PCDHGB3: variants seen among roughly 807,000 people sequenced by gnomAD.
The protein encoded by PCDHGB3 is protocadherin gamma-B3.
Under a neutral mutation model 59.2 loss-of-function variants are expected in PCDHGB3, and 40 were observed. The observed-to-expected ratio is 0.68, with a 90% CI of 0.52 to 0.88. The LOEUF is 0.88. Among genes scored for constraint, PCDHGB3 ranks in the 40% least tolerant of loss-of-function variants. The pLI, the probability that PCDHGB3 is intolerant of heterozygous loss-of-function variation, is 0.00. For synonymous variants in PCDHGB3, 581 were observed against 503.6 expected, an observed-to-expected ratio of 1.15 and a Z score of -2.06; for missense variants, 1,309 against 1,187.9, an observed-to-expected ratio of 1.10 and a Z score of -1.50.
intron 2 of PCDHGB3, among the ~76,000 whole-genome samples, chr5:141,503,072 C>T (rs2099817948): frequency 6.6e-6 from 1 of 151,728 alleles, no homozygotes; most frequent in Non-Finnish European, 1.5e-5. Flanking sequence ...TCAGAATGGT[C>T]TCGATCTCCT....
rs771867567 is a variant in PCDHGB3 at position 141,419,867 on chromosome 5, G to A, written c.2415+47058G>A. 3.1e-6 allele frequency: 5 copies of A among 1,614,086 alleles called. No homozygotes were observed. In the South Asian group the frequency reaches 5.5e-5, roughly 18 times the overall value. On this transcript the variant is annotated intron_variant, in intron 1 of 3. Transcript: ENST00000576222. Reference sequence around the variant, plus strand: ...CCTGGTGTTCGCAGATAGCTTGCAAGAGGTACTGCCGGATTTCAGCGACCA... The same window carrying A: ...CCTGGTGTTCGCAGATAGCTTGCAAAAGGTACTGCCGGATTTCAGCGACCA...
intron 1 of PCDHGB3, chr5:141,418,140 A>C (rs1487263767): frequency 6.2e-7 from 1 of 1,613,986 alleles, no homozygotes; most frequent in African/African-American, 1.3e-5. Context: ...GACCGTGAGC[A>C]AATATGCAAA....
chr5:141,447,235 G>T (rs1458489257), intron 1 of PCDHGB3, among the ~76,000 whole-genome samples: 1 of 152,084 alleles, frequency 6.6e-6, no homozygotes, highest in Non-Finnish European at 1.5e-5. Flanking sequence ...CGCCTCCCGG[G>T]TTCAAGTGAT....
In PCDHGB3 at chr5:141,405,117, C is replaced by T. The variant is rs200108286; in HGVS notation, c.2415+32308C>T. On this transcript the variant is annotated intron_variant, in intron 1 of 3. Transcript: ENST00000576222. The stretch of plus-strand genomic sequence containing the variant: ...CTCAGGCTGAGGCACTGGCACTCCT[C>T]GCATCTGCTGCGGGCTACCAGTGAT... The T allele has an allele frequency of 5.6e-5, 90 of 1,613,980 alleles. No individual in the cohort carries two copies. In the East Asian group the frequency reaches 9.6e-4, roughly 17 times the overall value.
intron 1 of PCDHGB3, chr5:141,428,279 C>A: frequency 2.7e-6 from 2 of 753,232 alleles, no homozygotes; most frequent in South Asian, 3.0e-5. Context: ...CCCTCTGATT[C>A]CCAAGCAAAG....
chr5:141,389,990 C>T (rs2091998485), intron 1 of PCDHGB3: 3 of 1,614,044 alleles, frequency 1.9e-6, no homozygotes, highest in Non-Finnish European at 8.5e-7. Context: ...TGCTCTTCCT[C>T]GTGGCCATGA....
intron 1 of PCDHGB3, chr5:141,400,718 A>G (rs2094066078): frequency 3.0e-6 from 2 of 671,700 alleles, no homozygotes; most frequent in Non-Finnish European, 5.0e-6. Flanking sequence ...AGCCTTATAG[A>G]TTTACAAAGT....
intron 1 of PCDHGB3, chr5:141,374,021 CA>C (rs1013436249): frequency 5.0e-6 from 7 of 1,406,050 alleles, no homozygotes; most frequent in Non-Finnish European, 6.5e-6. Context: ...CTGAGAAGAG[CA>C]AAAGTGATGC....
rs757924501 is a variant in PCDHGB3, at chr5:141,490,548, A to G, written c.2416-4259A>G. 1.2e-6 allele frequency: 2 copies of G among 1,614,084 alleles called. No individual in the cohort carries two copies. Among genetic ancestry groups the G allele is most frequent in the South Asian group, 2.2e-5 (2 of 91,080 alleles). ...ATGCTGGTTCACCTTCCCTACACAA[A>G]CATCTCACCATCAGGCTCAACATTT... On this transcript the variant is annotated intron_variant, in intron 1 of 3. Transcript: ENST00000576222. This position sits in a 1 kb window ranked among gnomAD's most constrained non-coding sequence, Gnocchi z 5.4.
chr5:141,433,001 G>A (rs1361701281), intron 1 of PCDHGB3: 39 of 1,614,156 alleles, frequency 2.4e-5, no homozygotes, highest in Non-Finnish European at 3.1e-5. Context: ...CGGGGTGCAG[G>A]CTTTCCTGCA....
chr5:141,392,746 G>A (rs970809453), intron 1 of PCDHGB3: 4 of 1,443,856 alleles, frequency 2.8e-6, no homozygotes, highest in Non-Finnish European at 3.6e-6. Flanking sequence ...CATAGCTGCG[G>A]CAAGAAACTA....
chr5:141,376,553 G>T, intron 1 of PCDHGB3: 1 of 1,610,804 alleles, frequency 6.2e-7, no homozygotes, highest in Non-Finnish European at 8.5e-7. Flanking sequence ...TGATCTTCCC[G>T]CAACCCAACT....
intron 1 of PCDHGB3, chr5:141,374,044 T>C: frequency 6.8e-7 from 1 of 1,465,536 alleles, no homozygotes; most frequent in Non-Finnish European, 9.0e-7. Flanking sequence ...GATCTGTTCT[T>C]CCTCTTCTTA....
At position 141,370,782 on chromosome 5, in the gene PCDHGB3, C is replaced by G; in HGVS notation, c.388C>G (p.Pro130Ala). The G allele has an allele frequency of 6.2e-7, 1 of 1,613,988 alleles. No homozygotes were observed. Among genetic ancestry groups the G allele is most frequent in the Non-Finnish European group, 8.5e-7 (1 of 1,179,898 alleles). ...TVLIQDINDN[P>A]PTFSQNITEL... ...GCTGATCCAGGATATTAACGACAAC[C>G]CACCGACCTTTAGCCAAAATATCAC... The change falls in exon 1 of 4, where the codon CCA (proline) becomes GCA (alanine). Residue 130 changes from proline (P) to alanine (A), a missense_variant. Physicochemically the swap from Pro to Ala is conservative, Grantham distance 27. Coordinates refer to ENST00000576222, the MANE Select transcript of PCDHGB3 (RefSeq NM_018924.5).
rs766784928 is a variant in PCDHGB3, at chr5:141,431,447, G to T, written c.2415+58638G>T. ...GCGCACAGGCACCGCGCGCATCCGC[G>T]TGATGGTTCTGGATGCGAACGACAA... On this transcript the variant is annotated intron_variant, in intron 1 of 3. Coordinates refer to ENST00000576222, the MANE Select transcript of PCDHGB3 (RefSeq NM_018924.5). The surrounding 1 kb of genome is among the most constrained non-coding windows in gnomAD (Gnocchi z 4.8). 2 of 1,613,792 alleles carry T rather than the reference G, an allele frequency of 1.2e-6. No individual in the cohort carries two copies. The highest frequency in any genetic ancestry group is 1.7e-6 in the Non-Finnish European group (2 of 1,180,014).
At chr5:141,399,002 C>G in intron 1 of PCDHGB3, 6 of 1,613,830 alleles carry the variant, frequency 3.7e-6, no homozygotes, top group Non-Finnish European at 4.2e-6. Context: ...AGTCTGAATT[C>G]AAAGAGCGGA....
At chr5:141,390,634 T>C (rs1003300188) in intron 1 of PCDHGB3, 36 of 236,246 alleles carry the variant, frequency 1.5e-4, no homozygotes, top group African/African-American at 7.4e-4. Context: ...ATATGATGAA[T>C]ACTTTTTTCA....
intron 1 of PCDHGB3, among the ~76,000 whole-genome samples, chr5:141,458,758 G>T (rs1473104567): frequency 1.3e-5 from 2 of 150,844 alleles, no homozygotes; most frequent in Non-Finnish European, 3.0e-5. Context: ...TTTGAGACAG[G>T]GTCTTGCTGT....
At chr5:141,510,917 C>A in intron 3 of PCDHGB3, 30 bp from the exon 4 acceptor site, 2 of 1,613,854 alleles carry the variant, frequency 1.2e-6, no homozygotes, top group Non-Finnish European at 8.5e-7. Flanking sequence ...CTAAGTTTAG[C>A]TCCCACCTGA....
Sources: allele counts gnomAD v4.1 joint callset (sites outside exome capture counted in the v4.1 genomes callset), GRCh38; gene constraint gnomAD v4.1.1; non-coding constraint Gnocchi (gnomAD v3.1); transcripts MANE v1.5; gene names NCBI Gene and HGNC (gene_info 2026-07-23, HGNC 2026-07-21).